ARHGAP17: variants seen among roughly 807,000 people sequenced by gnomAD.
ARHGAP17 encodes the protein rho GTPase-activating protein 17.
A neutral mutation model predicts 99.5 loss-of-function variants in ARHGAP17; 57 were observed. That is an observed-to-expected ratio of 0.57 (90% confidence interval 0.46 to 0.71). ARHGAP17 has a LOEUF of 0.71. ARHGAP17 is among the 30% of genes least tolerant of loss of function. The probability of loss-of-function intolerance (pLI) is 0.00; values close to 1 mark genes in which losing one functional copy is unlikely to be tolerated. For synonymous variants in ARHGAP17, 417 were observed against 429.6 expected (o/e 0.97, Z 0.36); for missense variants, 1,000 against 1,122.4 (o/e 0.89, Z 1.56).
Position 24,947,553 on chromosome 16 carries a change from A to G in ARHGAP17, c.1170T>C (p.Asp390=), listed in dbSNP as rs773386949. 1.2e-6 allele frequency: 2 copies of G among 1,613,424 alleles called. No homozygotes were observed. The highest frequency in any genetic ancestry group is 1.7e-6 in the Non-Finnish European group (2 of 1,180,002). The part of the protein sequence containing the change: ...KFLAKLAQTS[D]VNKMTPSNIA... ...TGTTGCTGGGAGTCATTTTATTCAC[A>G]TCGCTGGTCTGAGCAAGCTTTGCAA... is the stretch of plus-strand genomic sequence containing the variant. The change falls in exon 14 of 20, where the codon GAT becomes GAC. Residue 390 remains aspartate, a synonymous_variant. Transcript: ENST00000289968.
intron 17 of ARHGAP17, among the ~76,000 whole-genome samples, chr16:24,937,930 A>C: frequency 6.6e-6 from 1 of 152,206 alleles, no homozygotes; most frequent in Non-Finnish European, 1.5e-5. Context: ...AACATATGAC[A>C]ACAAAAATTT....
At chr16:24,992,833 C>CT (rs752011496) in intron 1 of ARHGAP17, among the ~76,000 whole-genome samples, 65 of 152,304 alleles carry the variant, frequency 4.3e-4, no homozygotes, top group Non-Finnish European at 6.3e-4. Context: ...GAGATGGGGT[C>CT]TGTCACCCAG....
At chr16:24,952,821 G>T in intron 11 of ARHGAP17, 110 bp downstream of exon 11, 1 of 978,626 alleles carries the variant, frequency 1.0e-6, no homozygotes, top group Non-Finnish European at 1.6e-6. Context: ...CTTCGGTTTT[G>T]TCACTTAAAC....
intron 17 of ARHGAP17, chr16:24,936,950 T>C (rs2051156510): frequency 6.6e-6 from 1 of 150,552 alleles, no homozygotes; most frequent in Non-Finnish European, 1.5e-5. Context: ...AGACCTCGTC[T>C]CTACAAAAAT....
chr16:24,971,617 C>T (rs373759718), intron 3 of ARHGAP17, among the ~76,000 whole-genome samples: 1 of 152,180 alleles, frequency 6.6e-6, no homozygotes, highest in Non-Finnish European at 1.5e-5. Context: ...CATGAGCCAC[C>T]GCACCCAGTC....
At chr16:24,958,708 G>A (rs1008759595) in intron 9 of ARHGAP17, among the ~76,000 whole-genome samples, 42 of 152,114 alleles carry the variant, frequency 2.8e-4, no homozygotes, top group Admixed American at 1.4e-3. Flanking sequence ...AGAAGAAGTC[G>A]CATTCTTGAA....
intron 17 of ARHGAP17, among the ~76,000 whole-genome samples, chr16:24,937,499 GACTTTTTT>G (rs1434590774): frequency 1.3e-5 from 2 of 152,142 alleles, no homozygotes; most frequent in Non-Finnish European, 2.9e-5. Context: ...AATTTGCTTA[GACTTTTTT>G]CCTTCAAACA....
intron 15 of ARHGAP17, 67 bp from the exon 16 acceptor site, chr16:24,942,210 C>T: frequency 6.7e-7 from 1 of 1,486,640 alleles, no homozygotes; most frequent in Non-Finnish European, 9.0e-7. Context: ...CTCTAAGACA[C>T]CCCTCATTGG....
intron 12 of ARHGAP17, among the ~76,000 whole-genome samples, chr16:24,951,111 G>C (rs1341995314): frequency 6.6e-6 from 1 of 152,148 alleles, no homozygotes; most frequent in Admixed American, 6.6e-5. Flanking sequence ...GAGGTGGGCT[G>C]GCCAGCCAAG....
At chr16:24,939,315 A>T (rs748983302) in intron 17 of ARHGAP17, 49 bp downstream of exon 17, 24 of 1,498,520 alleles carry the variant, frequency 1.6e-5, no homozygotes, top group Non-Finnish European at 2.0e-5. Flanking sequence ...CACCTGCAAG[A>T]AGGCTGGGGC....
intron 1 of ARHGAP17, among the ~76,000 whole-genome samples, chr16:24,979,371 C>A (rs1412949477): frequency 6.6e-6 from 1 of 152,172 alleles, no homozygotes; most frequent in African/African-American, 2.4e-5. Context: ...TTAACAGCCA[C>A]TCCTTGCTCA....
chr16:24,943,103 C>T (rs888894966), intron 15 of ARHGAP17, among the ~76,000 whole-genome samples: 2 of 152,204 alleles, frequency 1.3e-5, no homozygotes, highest in South Asian at 4.1e-4. Flanking sequence ...CCAACACTTG[C>T]CTGGCCAGCA....
rs149570574 is a variant in ARHGAP17 at position 25,009,353 on chromosome 16, C to T, written c.53+5856G>A. ...CTGCACTCCAGTCTGGGCGGCAGAG[C>T]GAGACTCCGTCAAAAAAAAAAAAAA... On this transcript the variant is annotated intron_variant, in intron 1 of 19. Transcript: ENST00000289968. Among the ~76,000 whole-genome samples the T allele has an allele frequency of 6.9e-3, 883 of 127,896 alleles. 11 individuals are homozygous for T. Among genetic ancestry groups the T allele is most frequent in the African/African-American group, 0.027 (826 of 30,346 alleles). 83.9% of individuals were successfully genotyped at this position (127,896 alleles called of 152,430 possible).
intron 1 of ARHGAP17, among the ~76,000 whole-genome samples, chr16:25,004,557 C>T (rs752689107): frequency 3.3e-5 from 5 of 152,204 alleles, no homozygotes; most frequent in Non-Finnish European, 7.3e-5. Flanking sequence ...CTGATGGGTG[C>T]TTTTAATAAT....
intron 10 of ARHGAP17, among the ~76,000 whole-genome samples, chr16:24,953,389 G>A (rs1193721269): frequency 6.6e-6 from 1 of 152,198 alleles, no homozygotes; most frequent in Non-Finnish European, 1.5e-5. Context: ...CAAATCTCAT[G>A]TGGAAGTATG....
At chr16:24,970,191 A>G (rs2052318306) in intron 4 of ARHGAP17, among the ~76,000 whole-genome samples, 1 of 152,214 alleles carries the variant, frequency 6.6e-6, no homozygotes, top group African/African-American at 2.4e-5. Flanking sequence ...ATCTGAGCCA[A>G]CACCTGGAAC....
At chr16:24,954,850 G>T in intron 9 of ARHGAP17, 120 bp from the exon 10 acceptor site, 1 of 1,347,734 alleles carries the variant, frequency 7.4e-7, no homozygotes. Context: ...GTGCAAGAGG[G>T]GATACATCTG....
intron 12 of ARHGAP17, 70 bp from the exon 13 acceptor site, chr16:24,949,554 A>G: frequency 7.5e-7 from 1 of 1,324,528 alleles, no homozygotes. Flanking sequence ...TGCTATGTTA[A>G]AAATGAGGCC....
At chr16:24,941,349 G>A (rs1270621383) in intron 16 of ARHGAP17, among the ~76,000 whole-genome samples, 2 of 152,164 alleles carry the variant, frequency 1.3e-5, no homozygotes. Context: ...CATGGGACAG[G>A]TTGGCATCCA....
Sources: gnomAD v4.1 joint callset for allele counts (sites outside exome capture counted in the v4.1 genomes callset) on GRCh38, gnomAD v4.1.1 for gene constraint, MANE v1.5 for transcripts, NCBI Gene and HGNC (gene_info 2026-07-23, HGNC 2026-07-21) for gene names.